KLK15: variants seen among roughly 807,000 people sequenced by gnomAD.
The protein encoded by KLK15 is kallikrein-15.
KLK15 carries 19 observed loss-of-function variants against 21.1 expected under a neutral mutation model. The observed-to-expected ratio is 0.90, with a 90% CI of 0.63 to 1.32. The LOEUF (loss-of-function observed/expected upper bound fraction) is 1.32, where lower values mean the gene tolerates loss of function less well. KLK15 is among the 40% of genes most tolerant of loss of function. The probability of loss-of-function intolerance (pLI) is 0.00; values close to 1 mark genes in which losing one functional copy is unlikely to be tolerated. For synonymous variants in KLK15, 141 were observed against 141.5 expected, an observed-to-expected ratio of 1.00 and a Z score of 0.03; for missense variants, 345 against 348.6, an observed-to-expected ratio of 0.99 and a Z score of 0.08.
intron 4 of KLK15, 28 bp downstream of exon 5, chr19:50,826,593 C>T (rs906079463): frequency 1.3e-6 from 2 of 1,558,226 alleles, no homozygotes; most frequent in Non-Finnish European, 1.7e-6. Flanking sequence ...CCCTCTTCTT[C>T]CGCCTGATGG....
intron 1 of KLK15, 140 bp downstream of exon 2, chr19:50,831,310 A>G: frequency 1.7e-6 from 1 of 591,792 alleles, no homozygotes; most frequent in Non-Finnish European, 2.7e-6. Flanking sequence ...GCTTAGGGAC[A>G]TTGGCACAGG....
chr19:50,832,750 C>T (rs2090012317), upstream of KLK15, among the ~76,000 whole-genome samples: 1 of 152,070 alleles, frequency 6.6e-6, no homozygotes, highest in Non-Finnish European at 1.5e-5. Context: ...GGCTATTCCT[C>T]CCACCGCATA....
chr19:50,826,244 A>C, intron 4 of KLK15: 1 of 462,086 alleles, frequency 2.2e-6, no homozygotes, highest in Non-Finnish European at 3.8e-6. Flanking sequence ...CTCACCATTC[A>C]AAATCAAATC....
In KLK15 at chr19:50,825,798, A is replaced by G. The variant is rs900891450; in HGVS notation, c.769T>C (p.Ter257ArgextTer3). 4 of 1,613,506 alleles carry G rather than the reference A, an allele frequency of 2.5e-6. No homozygotes were observed. In the African/African-American group the frequency reaches 5.3e-5, roughly 22 times the overall value. Residue 257 changes from the stop codon to arginine, a stop_lost, in exon 5 of 5, where the codon TGA becomes CGA. Transcript: ENST00000598239. The stretch of plus-strand genomic sequence containing the variant: ...GCACAGGAGATAGGCTAGAATAGTC[A>G]GTTCCTCTTCATGGTTTCCCTGATC...
At chr19:50,829,840 A>G (rs2089952046) in intron 1 of KLK15, among the ~76,000 whole-genome samples, 1 of 151,488 alleles carries the variant, frequency 6.6e-6, no homozygotes, top group East Asian at 1.9e-4. Context: ...CAAACAAAAA[A>G]AAGTCAAGGT....
At chr19:50,826,175 C>T (rs1172960305) in intron 4 of KLK15, 3 of 524,964 alleles carry the variant, frequency 5.7e-6, no homozygotes, top group East Asian at 3.0e-5. Flanking sequence ...TATATCCAAT[C>T]TCACCCCCAT....
At chr19:50,825,317 C>A (rs956413072), downstream of KLK15, 1 of 153,828 alleles carries the variant, frequency 6.5e-6, no homozygotes. Context: ...TTAATCAGTT[C>A]AGACGAATCA....
In KLK15 at chr19:50,831,447, C is replaced by T; in HGVS notation, c.43+3G>A. The T allele has an allele frequency of 7.0e-7, 1 of 1,431,576 alleles. No individual in the cohort carries two copies. The highest frequency in any genetic ancestry group is 9.1e-7 in the Non-Finnish European group (1 of 1,096,306). 88.7% of individuals were successfully genotyped at this position (1,431,576 alleles called of 1,614,324 possible). ...ACCTGGCCCCCTCCTGGGGCCACCT[C>T]ACCTGTGGATGCCAGCAGGAAGGAG... On this transcript the variant is annotated splice_donor_region_variant and intron_variant, in intron 1 of 4. Transcript: ENST00000598239.
At chr19:50,828,695 C>T (rs540787806) in intron 1 of KLK15, among the ~76,000 whole-genome samples, 4 of 151,540 alleles carry the variant, frequency 2.6e-5, no homozygotes, top group East Asian at 1.9e-4. Context: ...AGGCTGGGCA[C>T]GGTGGCTCAT....
upstream of KLK15, among the ~76,000 whole-genome samples, chr19:50,831,937 G>A (rs559873464): frequency 2.6e-5 from 4 of 151,130 alleles, no homozygotes; most frequent in Admixed American, 2.6e-4. Context: ...TCAGCCTCCC[G>A]AGTAGCTGGG....
intron 1 of KLK15, 133 bp from the exon 3 acceptor site, chr19:50,827,948 TG>T (rs377067813): frequency 1.4e-6 from 1 of 690,040 alleles, no homozygotes; most frequent in Non-Finnish European, 2.1e-6. Flanking sequence ...GCCCTGTTTT[TG>T]TTTGTTGTTG....
rs149763173 is a variant in KLK15 at position 50,826,955 on chromosome 19, C to G, written c.404G>C (p.Gly135Ala). The G allele has an allele frequency of 8.5e-4, 1,358 of 1,604,870 alleles. 11 individuals are homozygous for G. The African/African-American group carries it at 0.015, about 18-fold the overall frequency. The change falls in exon 3 of 5, where the codon GGG becomes GCG. Residue 135 changes from glycine to alanine, a missense_variant. Physicochemically the swap from Gly to Ala is moderately conservative, Grantham distance 60 (BLOSUM62 0). Transcript: ENST00000598239. ...CCAGCCAGACACCACACAGGCCTCCCCCGGGTGGGGGCAACGCGTGGGTAG... is the reference window on the plus strand; with the variant it reads ...CCAGCCAGACACCACACAGGCCTCCGCCGGGTGGGGGCAACGCGTGGGTAG...
intron 1 of KLK15, chr19:50,831,031 C>T (rs1352722120): frequency 6.4e-6 from 1 of 155,502 alleles, no homozygotes; most frequent in African/African-American, 2.4e-5. Context: ...CCTCTCAGCA[C>T]TTGTCTAATG....
upstream of KLK15, among the ~76,000 whole-genome samples, chr19:50,832,322 C>CTTTCTTTTTTTTTT (rs1555766936): frequency 2.7e-5 from 3 of 109,434 alleles, no homozygotes; most frequent in Non-Finnish European, 5.6e-5. Flanking sequence ...CTTTTTTTTT[C>CTTTCTTTTTTTTTT]TTTTTTTTTT....
At chr19:50,827,941 C>CTAACTACTATA in intron 1 of KLK15, 126 bp from the exon 3 acceptor site, 1 of 694,778 alleles carries the variant, frequency 1.4e-6, no homozygotes, top group Non-Finnish European at 2.1e-6. Context: ...ACACCCTGCC[C>CTAACTACTATA]TGTTTTTGTT....
rs916794242 is a variant in KLK15 at position 50,830,093 on chromosome 19, T to A, written c.43+1357A>T. ...ACTGATTGGGTTTCACATATGGGGA[T>A]CTGGCTCATGCATGTGGAGAGGATG... On this transcript the variant is annotated intron_variant, in intron 1 of 4. Coordinates refer to ENST00000598239, the Ensembl canonical transcript of KLK15. Among the ~76,000 whole-genome samples, 7 of 151,418 alleles carry A rather than the reference T, an allele frequency of 4.6e-5. 1 individual carries two copies. In the South Asian group the frequency reaches 1.2e-3, roughly 27 times the overall value.
At chr19:50,832,426 G>A (rs2090007150), upstream of KLK15, among the ~76,000 whole-genome samples, 1 of 147,896 alleles carries the variant, frequency 6.8e-6, no homozygotes, top group South Asian at 2.1e-4. Flanking sequence ...GGGTTCAAGA[G>A]ATTCTCCTGC....
upstream of KLK15, among the ~76,000 whole-genome samples, chr19:50,832,537 G>GAC (rs548102456): frequency 0.49 from 74,358 of 151,154 alleles, 18,417 homozygotes; most frequent in East Asian, 0.57. Context: ...TGGCCAGGCT[G>GAC]GTCTTGAACT....
In KLK15 at chr19:50,826,873, C is replaced by T. The variant is rs3212852; in HGVS notation, c.481+5G>A. On this transcript the variant is annotated splice_donor_5th_base_variant and intron_variant, in intron 3 of 4. Coordinates refer to ENST00000598239, the Ensembl canonical transcript of KLK15. ...CCTCGCATCCAGCTCCATCCTTTCA[C>T]GCACCTTGTGACCGGGGGCTCCCAG... 29,957 of 1,558,560 alleles carry T rather than the reference C, an allele frequency of 0.019. 392 individuals are homozygous for T. The highest frequency in any genetic ancestry group is 0.021 in the Non-Finnish European group (24,289 of 1,151,370).
Sources: allele counts gnomAD v4.1 joint callset (sites outside exome capture counted in the v4.1 genomes callset), GRCh38; gene constraint gnomAD v4.1.1; transcripts MANE v1.5; gene names NCBI Gene and HGNC (gene_info 2026-07-23, HGNC 2026-07-21).